ASTN2: variants seen among roughly 807,000 people sequenced by gnomAD.
The protein encoded by ASTN2 is astrotactin-2.
In ASTN2, 54 loss-of-function variants were observed where a neutral mutation model predicts 139.8. The observed-to-expected ratio is 0.39, with a 90% CI of 0.31 to 0.48. The LOEUF is 0.48. Ranked by LOEUF, ASTN2 falls within the 20% of genes least tolerant of loss-of-function variation. The probability of loss-of-function intolerance (pLI) is 0.95; values close to 1 mark genes in which losing one functional copy is unlikely to be tolerated. For missense variants in ASTN2, 1,565 were observed against 1,725.1 expected, an observed-to-expected ratio of 0.91 and a Z score of 1.64; for synonymous variants, 756 against 719.5, an observed-to-expected ratio of 1.05 and a Z score of -0.81.
chr9:117,098,102 G>T (rs370330089), intron 4 of ASTN2, among the ~76,000 whole-genome samples: 1 of 152,248 alleles, frequency 6.6e-6, no homozygotes, highest in South Asian at 2.1e-4. Flanking sequence ...CTCCAAATTT[G>T]GTCTCTCTGT....
At chr9:116,934,695 T>C (rs1835014890) in intron 10 of ASTN2, among the ~76,000 whole-genome samples, 1 of 152,172 alleles carries the variant, frequency 6.6e-6, no homozygotes, top group Admixed American at 6.5e-5. Flanking sequence ...TAATAAAATC[T>C]GTACAACAAC....
At chr9:116,964,411 C>T (rs1835958673) in intron 10 of ASTN2, among the ~76,000 whole-genome samples, 1 of 152,074 alleles carries the variant, frequency 6.6e-6, no homozygotes, top group South Asian at 2.1e-4. Context: ...GATCACTGTC[C>T]CTGAGCTGCT....
At chr9:116,538,718 T>A (rs573032769) in intron 19 of ASTN2, among the ~76,000 whole-genome samples, 2 of 152,348 alleles carry the variant, frequency 1.3e-5, no homozygotes, top group Admixed American at 1.3e-4. Flanking sequence ...GAAATTGAGA[T>A]GCATCCTACA....
At chr9:116,488,655 A>C (rs1849414859) in intron 19 of ASTN2, among the ~76,000 whole-genome samples, 1 of 152,208 alleles carries the variant, frequency 6.6e-6, no homozygotes, top group South Asian at 2.1e-4. Flanking sequence ...TGAAGTTAAA[A>C]ACAGGTTACA....
rs545579122 is a variant in ASTN2, at chr9:117,071,056, G to A, written c.1276+24988C>T. 5.9e-4 allele frequency among the ~76,000 whole-genome samples: 88 copies of A among 149,116 alleles called. 2 individuals are homozygous for A. The highest frequency in any genetic ancestry group is 1.3e-3 in the South Asian group (6 of 4,532). ...AGCTTTGTTCTGTTGCTGGTGAGGA[G>A]CTGCGTTCCTTTGGAGGAGGAGAGG... On this transcript the variant is annotated intron_variant, in intron 5 of 22. Transcript: ENST00000313400.
intron 6 of ASTN2, among the ~76,000 whole-genome samples, chr9:117,016,610 CTATATCTATCTATCTATA>C (rs1393682386): frequency 1.3e-4 from 3 of 22,404 alleles, no homozygotes; most frequent in East Asian, 1.5e-3. Flanking sequence ...ATATCTATAT[CTATATCTATCTATCTATA>C]TATATATATA....
Position 116,669,939 on chromosome 9 carries a change from G to A in ASTN2, c.2807-18146C>T, listed in dbSNP as rs138627038. Among the ~76,000 whole-genome samples the A allele has an allele frequency of 5.2e-3, 798 of 152,082 alleles. 5 individuals are homozygous for A. Among genetic ancestry groups the A allele is most frequent in the African/African-American group, 0.018 (762 of 41,474 alleles). On this transcript the variant is annotated intron_variant, in intron 16 of 22. Coordinates refer to ENST00000313400, the MANE Select transcript of ASTN2 (RefSeq NM_001365068.1). ...TCTGCCTCAGCCTCCCACGTAGCTG[G>A]GATTACAGGCACGTGCCACCACGCC...
At chr9:117,241,323 T>G (rs921674217) in intron 2 of ASTN2, among the ~76,000 whole-genome samples, 1 of 152,292 alleles carries the variant, frequency 6.6e-6, no homozygotes. Flanking sequence ...TCCATCTGGT[T>G]TCATTCAAGT....
intron 10 of ASTN2, among the ~76,000 whole-genome samples, chr9:116,912,916 TGAGATGGAGTCTCACTCTGTC>T (rs1426926054): frequency 2.2e-4 from 33 of 152,190 alleles, no homozygotes; most frequent in Non-Finnish European, 4.0e-4. Context: ...ATTATTATTT[TGAGATGGAGTCTCACTCTGTC>T]GCCCAGGCTG....
chr9:116,991,535 G>A (rs920305250), intron 7 of ASTN2, among the ~76,000 whole-genome samples: 8 of 150,078 alleles, frequency 5.3e-5, no homozygotes, highest in Admixed American at 1.3e-4. Context: ...ACTTCGTACC[G>A]ATAATAATCG....
chr9:116,907,932 A>G (rs1269123230), intron 10 of ASTN2, among the ~76,000 whole-genome samples: 1 of 152,148 alleles, frequency 6.6e-6, no homozygotes, highest in Non-Finnish European at 1.5e-5. Flanking sequence ...CATCGTTTGG[A>G]GGCAACCACA....
At chr9:117,308,138 T>C (rs1268648507) in intron 1 of ASTN2, among the ~76,000 whole-genome samples, 1 of 152,192 alleles carries the variant, frequency 6.6e-6, no homozygotes, top group Non-Finnish European at 1.5e-5. Flanking sequence ...GACCTTCCTC[T>C]GGGACTCTGG....
chr9:117,158,118 A>G (rs10983555), intron 3 of ASTN2, among the ~76,000 whole-genome samples: 36,034 of 152,014 alleles, frequency 0.24, 4,430 homozygotes, highest in South Asian at 0.29. Flanking sequence ...AATTAAGCCT[A>G]TAATTAAAGT....
In ASTN2 at chr9:117,008,273, G is replaced by A. The variant is rs769286721; in HGVS notation, c.1424-14C>T. The A allele has an allele frequency of 2.5e-6, 4 of 1,570,066 alleles. No individual in the cohort carries two copies. Among genetic ancestry groups the A allele is most frequent in the East Asian group, 2.3e-5 (1 of 42,894 alleles). ...CGAAGCTGCTTCCTATGGGTGAACGGAGAGACAGATACTTTCTTACTGATT... is the reference window on the plus strand; with the variant it reads ...CGAAGCTGCTTCCTATGGGTGAACGAAGAGACAGATACTTTCTTACTGATT... On this transcript the variant is annotated splice_polypyrimidine_tract_variant and intron_variant, in intron 6 of 22. Transcript: ENST00000313400.
intron 10 of ASTN2, among the ~76,000 whole-genome samples, chr9:116,951,582 G>T (rs1835565503): frequency 6.6e-6 from 1 of 152,082 alleles, no homozygotes; most frequent in African/African-American, 2.4e-5. Context: ...ATCAGGGTCA[G>T]GCAGAGAGAT....
In ASTN2 at chr9:116,823,529, C is replaced by T. The variant is rs558848192; in HGVS notation, c.2041-2746G>A. 3.9e-4 allele frequency among the ~76,000 whole-genome samples: 60 copies of T among 152,220 alleles called. 1 individual carries two copies. The South Asian group carries it at 0.012, about 32-fold the overall frequency. ...AACCTCCTTACTTTAGAAGTGACGC[C>T]CAGAAAGTTAAAGGACATCACCCCA... On this transcript the variant is annotated intron_variant, in intron 11 of 22. Coordinates refer to ENST00000313400, the MANE Select transcript of ASTN2 (RefSeq NM_001365068.1).
chr9:117,057,785 C>A (rs1839105191), intron 5 of ASTN2, among the ~76,000 whole-genome samples: 1 of 152,184 alleles, frequency 6.6e-6, no homozygotes, highest in African/African-American at 2.4e-5. Context: ...AGTGCCATTG[C>A]AAAAGCCAGC....
intron 10 of ASTN2, among the ~76,000 whole-genome samples, chr9:116,906,468 T>C (rs1286829830): frequency 6.6e-6 from 1 of 152,088 alleles, no homozygotes; most frequent in Admixed American, 6.5e-5. Flanking sequence ...CAGACACTTT[T>C]GTCTTTCCCC....
At chr9:117,108,928 T>C (rs1829177239) in intron 4 of ASTN2, among the ~76,000 whole-genome samples, 1 of 152,160 alleles carries the variant, frequency 6.6e-6, no homozygotes, top group Non-Finnish European at 1.5e-5. Context: ...CCCACCTCAT[T>C]GTACTTGAGA....
Sources: allele counts gnomAD v4.1 joint callset (sites outside exome capture counted in the v4.1 genomes callset), GRCh38; gene constraint gnomAD v4.1.1; transcripts MANE v1.5; gene names NCBI Gene and HGNC (gene_info 2026-07-23, HGNC 2026-07-21).